The following CELF2 variants were observed in gnomAD, a reference collection of about 807,000 sequenced individuals.
CELF2 encodes the protein CUGBP Elav-like family member 2.
In CELF2, 8 loss-of-function variants were observed where a neutral mutation model predicts 62.6. The ratio of observed to expected loss-of-function variants is 0.13; its 90% CI spans 0.07 to 0.23. CELF2 has a LOEUF of 0.23. Among genes scored for constraint, CELF2 ranks in the 10% least tolerant of loss-of-function variants. The pLI is 1.00. For synonymous variants in CELF2, 258 were observed against 250.0 expected (o/e 1.03, Z -0.30); for missense variants, 333 against 671.0 (o/e 0.50, Z 5.56).
intron 2 of CELF2, among the ~76,000 whole-genome samples, chr10:10,970,180 T>C (rs2050613273): frequency 6.6e-6 from 1 of 152,186 alleles, no homozygotes; most frequent in African/African-American, 2.4e-5. Flanking sequence ...GCAATTCTTC[T>C]GCCTCAGCCT....
chr10:10,746,413 T>A, the CELF2 span, among the ~76,000 whole-genome samples: 1 of 152,364 alleles, frequency 6.6e-6, no homozygotes, highest in Admixed American at 6.5e-5. Context: ...CTTGGAGAGA[T>A]GCTATGCCAA....
At chr10:10,633,509 A>G in the CELF2 span, among the ~76,000 whole-genome samples, 5 of 152,094 alleles carry the variant, frequency 3.3e-5, no homozygotes, top group Non-Finnish European at 7.4e-5. Flanking sequence ...GTTTATATTG[A>G]TTTATAAAGA....
the CELF2 span, among the ~76,000 whole-genome samples, chr10:10,744,977 G>A: frequency 6.6e-5 from 10 of 152,192 alleles, no homozygotes; most frequent in Admixed American, 3.9e-4. Context: ...CAGCCTTCCA[G>A]TATATAACCA....
intron 1 of CELF2, among the ~76,000 whole-genome samples, chr10:11,142,579 G>C (rs1230740543): frequency 6.6e-6 from 1 of 151,764 alleles, no homozygotes; most frequent in Non-Finnish European, 1.5e-5. Context: ...AGCTACTCGG[G>C]AGGCTGAGGC....
intron 2 of CELF2, among the ~76,000 whole-genome samples, chr10:11,187,769 G>A (rs886762122): frequency 6.9e-6 from 1 of 144,998 alleles, no homozygotes; most frequent in Non-Finnish European, 1.5e-5. Context: ...TTCTCCCTTC[G>A]CAGACTTTAT....
the CELF2 span, among the ~76,000 whole-genome samples, chr10:10,723,869 A>G: frequency 6.6e-6 from 1 of 152,126 alleles, no homozygotes; most frequent in Non-Finnish European, 1.5e-5. Flanking sequence ...GAGGTATGGG[A>G]GCCCCAAATA....
At chr10:11,215,572 C>G (rs1429584122) in intron 2 of CELF2, among the ~76,000 whole-genome samples, 2 of 146,862 alleles carry the variant, frequency 1.4e-5, no homozygotes, top group Non-Finnish European at 3.0e-5. Flanking sequence ...AGTTACCTGC[C>G]TGAAAGTATC....
chr10:11,333,355 A>G lies in CELF2; in HGVS notation c.*4302A>G, dbSNP rs2096064494. The G allele has an allele frequency of 6.5e-6, 1 of 152,696 alleles. No homozygotes were observed. The highest frequency in any genetic ancestry group is 1.5e-5 in the Non-Finnish European group (1 of 68,050). The allele number at this position is 152,696 out of a possible 1,614,324, so 9.5% of individuals were successfully genotyped here. ...GCCTGTGCCAGAAGAAAACACACAC[A>G]GGGAAACCGCTTTTTTTAATCAATT... is the stretch of plus-strand genomic sequence containing the variant. On this transcript the variant is annotated 3_prime_UTR_variant, in exon 13 of 13. Coordinates refer to ENST00000633077, the MANE Select transcript of CELF2 (RefSeq NM_001326342.2).
Position 11,314,762 on chromosome 10 carries a change from A to G in CELF2, c.1096+504A>G, listed in dbSNP as rs1023453480. On this transcript the variant is annotated intron_variant, in intron 10 of 12. Transcript: ENST00000633077. This position sits in a 1 kb window ranked among gnomAD's most constrained non-coding sequence, Gnocchi z 5.3. ...TTCTTAAAGGTAGCCTCCAGCTCCAAAGTCTAAAGATTCATGACAATTAAA... is the reference window on the plus strand; with the variant it reads ...TTCTTAAAGGTAGCCTCCAGCTCCAGAGTCTAAAGATTCATGACAATTAAA... The G allele has an allele frequency of 5.0e-6, 1 of 201,078 alleles. No individual in the cohort carries two copies. Among genetic ancestry groups the G allele is most frequent in the Non-Finnish European group, 1.0e-5 (1 of 98,214 alleles). The allele number at this position is 201,078 out of a possible 1,614,324, so 12.5% of individuals were successfully genotyped here.
At chr10:10,940,813 GC>G (rs1351047898) in intron 2 of CELF2, among the ~76,000 whole-genome samples, 1 of 152,136 alleles carries the variant, frequency 6.6e-6, no homozygotes, top group Non-Finnish European at 1.5e-5. Context: ...GTTGCAGAGA[GC>G]TTTTCCTTCC....
At chr10:11,248,637 T>C (rs1471884794) in intron 3 of CELF2, among the ~76,000 whole-genome samples, 1 of 152,250 alleles carries the variant, frequency 6.6e-6, no homozygotes, top group Non-Finnish European at 1.5e-5. Context: ...AATTTTATAA[T>C]AATTTTTATA....
chr10:11,323,693 C>T (rs531500463), intron 11 of CELF2, among the ~76,000 whole-genome samples: 11 of 152,152 alleles, frequency 7.2e-5, no homozygotes, highest in African/African-American at 2.4e-4. Flanking sequence ...AACATGAACA[C>T]CCCAACAGCC....
intron 1 of CELF2, among the ~76,000 whole-genome samples, chr10:11,099,475 G>A (rs981197256): frequency 2.2e-4 from 34 of 151,986 alleles, no homozygotes; most frequent in African/African-American, 7.5e-4. Context: ...TCTTCTGTTC[G>A]TTGGCTCTTT....
chr10:10,474,946 G>A, the CELF2 span, among the ~76,000 whole-genome samples: 6 of 152,024 alleles, frequency 3.9e-5, no homozygotes, highest in African/African-American at 1.4e-4. Flanking sequence ...GTTCACTGGT[G>A]AATTAGGAAT....
the CELF2 span, among the ~76,000 whole-genome samples, chr10:10,572,051 C>T: frequency 1.3e-5 from 2 of 152,130 alleles, no homozygotes; most frequent in Non-Finnish European, 2.9e-5. Context: ...TGGAGAATAG[C>T]TTTAGAAAGT....
chr10:11,158,381 A>G (rs1180488889), intron 1 of CELF2, among the ~76,000 whole-genome samples: 1 of 152,106 alleles, frequency 6.6e-6, no homozygotes, highest in East Asian at 1.9e-4. Flanking sequence ...GCCCTCAATA[A>G]ATCTTCCTTG....
chr10:10,797,254 A>G (rs560464775), upstream of CELF2, among the ~76,000 whole-genome samples: 1 of 152,316 alleles, frequency 6.6e-6, no homozygotes, highest in Admixed American at 6.5e-5. Context: ...GATGCTTTCA[A>G]GTAACAAGGA....
chr10:10,488,019 A>G, the CELF2 span, among the ~76,000 whole-genome samples: 2 of 152,160 alleles, frequency 1.3e-5, no homozygotes, highest in Non-Finnish European at 2.9e-5. Context: ...ATATATTATT[A>G]ATGGAATGAG....
In CELF2 at chr10:11,237,616, C is replaced by G. The variant is rs781153545; in HGVS notation, c.355-11537C>G. Among the ~76,000 whole-genome samples, 1 of 152,230 alleles carries G rather than the reference C, an allele frequency of 6.6e-6. No individual in the cohort carries two copies. Among genetic ancestry groups the G allele is most frequent in the South Asian group, 2.1e-4 (1 of 4,836 alleles). On this transcript the variant is annotated intron_variant, in intron 3 of 12. Coordinates refer to ENST00000633077, the MANE Select transcript of CELF2 (RefSeq NM_001326342.2). This position sits in a 1 kb window ranked among gnomAD's most constrained non-coding sequence, Gnocchi z 4.0. ...CTTCAGCCCCACTAGCATCTCCACA[C>G]TGGGTGAGGGTTACAAGGGAGGCTG...
Sources: gnomAD v4.1 joint callset for allele counts (sites outside exome capture counted in the v4.1 genomes callset) on GRCh38, gnomAD v4.1.1 for gene constraint, Gnocchi (gnomAD v3.1) non-coding constraint, MANE v1.5 for transcripts, NCBI Gene and HGNC (gene_info 2026-07-23, HGNC 2026-07-21) for gene names.